RABGAP1: variants seen among roughly 807,000 people sequenced by gnomAD.
RABGAP1 encodes the protein rab GTPase-activating protein 1.
RABGAP1 carries 23 observed loss-of-function variants against 137.6 expected under a neutral mutation model. The ratio of observed to expected loss-of-function variants is 0.17; its 90% confidence interval spans 0.12 to 0.24. The LOEUF is 0.24. Ranked by LOEUF, RABGAP1 falls within the 10% of genes least tolerant of loss-of-function variation. The pLI is 1.00. For synonymous variants in RABGAP1, 451 were observed against 450.7 expected (o/e 1.00, Z -0.01); for missense variants, 906 against 1,275.8 (o/e 0.71, Z 4.42).
At chr9:123,061,593 T>C (rs1182418258) in intron 13 of RABGAP1, among the ~76,000 whole-genome samples, 1 of 152,264 alleles carries the variant, frequency 6.6e-6, no homozygotes, top group African/African-American at 2.4e-5. Context: ...CAATAGTGCA[T>C]AATCCTATTG....
Position 123,101,798 on chromosome 9 carries a change from G to A in RABGAP1, c.3087+35G>A, listed in dbSNP as rs769706643. 1.2e-5 allele frequency: 19 copies of A among 1,535,940 alleles called. No homozygotes were observed. The Admixed American group carries it at 3.8e-4, about 31-fold the overall frequency. ...GCAGAGCTCAGACATGTGCCTGCGGGCTGGGTTTCCTGATGTGCACTAGAG... is the reference window on the plus strand; with the variant it reads ...GCAGAGCTCAGACATGTGCCTGCGGACTGGGTTTCCTGATGTGCACTAGAG... On this transcript the variant is annotated intron_variant, in intron 25 of 25. Coordinates refer to ENST00000373647, the MANE Select transcript of RABGAP1 (RefSeq NM_012197.4).
At chr9:122,936,404 ACT>A (rs1324823106), upstream of RABGAP1, among the ~76,000 whole-genome samples, 1 of 152,100 alleles carries the variant, frequency 6.6e-6, no homozygotes, top group Non-Finnish European at 1.5e-5. Flanking sequence ...ACCAGCAGCA[ACT>A]CTCTGAAGTA....
intron 13 of RABGAP1, among the ~76,000 whole-genome samples, chr9:123,028,326 A>G (rs367978907): frequency 3.3e-5 from 5 of 152,366 alleles, no homozygotes; most frequent in African/African-American, 4.8e-5. Context: ...AATAAAATAA[A>G]CTTGTTCACT....
intron 21 of RABGAP1, among the ~76,000 whole-genome samples, chr9:123,094,830 C>T (rs1444574679): frequency 6.6e-6 from 1 of 152,066 alleles, no homozygotes; most frequent in Non-Finnish European, 1.5e-5. Context: ...TGCAAATTTT[C>T]TAATTTTTCG....
chr9:123,101,008 TAG>T (rs567306440), intron 24 of RABGAP1, among the ~76,000 whole-genome samples: 28 of 152,340 alleles, frequency 1.8e-4, no homozygotes, highest in African/African-American at 6.5e-4. Flanking sequence ...AATGTTTTCT[TAG>T]AGGAACATAA....
the RABGAP1 span, among the ~76,000 whole-genome samples, chr9:122,935,532 G>A: frequency 2.0e-5 from 3 of 151,854 alleles, no homozygotes; most frequent in South Asian, 2.1e-4. Flanking sequence ...TAGAGATGGA[G>A]TTTCACCAAT....
chr9:123,100,383 ATGTGTGTGTGTGTGTGTGTGTG>A (rs56811028), intron 24 of RABGAP1, among the ~76,000 whole-genome samples: 180 of 136,572 alleles, frequency 1.3e-3, no homozygotes, highest in African/African-American at 4.2e-3. Flanking sequence ...GTTTAACCAG[ATGTGTGTGTGTGTGTGTGTGTG>A]TGTGTGTGTG....
Position 123,015,596 on chromosome 9 carries a change from G to A in RABGAP1, c.1603G>A (p.Glu535Lys). Residue 535 changes from glutamate to lysine, a missense_variant, in exon 12 of 26, where the codon GAA becomes AAA. Coordinates refer to ENST00000373647, the MANE Select transcript of RABGAP1 (RefSeq NM_012197.4). ...TGGTGATGTATCCAAAGAATGTGCA[G>A]AAAAAATTCTTGAAACATGGGGAGA... Reference protein sequence around the residue: ...GSGDVSKECAEKILETWGELL... With the variant: ...GSGDVSKECAKKILETWGELL... The A allele has an allele frequency of 6.2e-7, 1 of 1,612,726 alleles. No homozygotes were observed. The highest frequency in any genetic ancestry group is 1.3e-5 in the African/African-American group (1 of 74,956).
At chr9:123,056,481 C>CT (rs530004900) in intron 13 of RABGAP1, among the ~76,000 whole-genome samples, 1,363 of 131,856 alleles carry the variant, frequency 0.01, 23 homozygotes, top group African/African-American at 0.032. Context: ...TTTCTTTTTT[C>CT]TTTTTTTTTT....
chr9:123,000,421 TG>T (rs1837257232), intron 10 of RABGAP1, among the ~76,000 whole-genome samples: 1 of 152,188 alleles, frequency 6.6e-6, no homozygotes, highest in Non-Finnish European at 1.5e-5. Context: ...CAAAACTCCT[TG>T]GAAGATATCA....
chr9:123,077,164 G>T lies in RABGAP1; in HGVS notation c.2424+402G>T, dbSNP rs77436690. 8.2e-3 allele frequency among the ~76,000 whole-genome samples: 1,013 copies of T among 124,262 alleles called. 12 individuals carry two copies. The highest frequency in any genetic ancestry group is 0.043 in the African/African-American group (965 of 22,338). The allele number at this position is 124,262 out of a possible 152,430, so 81.5% of individuals were successfully genotyped here. Reference sequence around the variant, plus strand: ...TCTACTGTGCTGGTTTTTTGTTTTTGTTTTTTTTTTTTTCTTTTTTTTGAG... The same window carrying T: ...TCTACTGTGCTGGTTTTTTGTTTTTTTTTTTTTTTTTTTCTTTTTTTTGAG... On this transcript the variant is annotated intron_variant, in intron 19 of 25. Coordinates refer to ENST00000373647, the MANE Select transcript of RABGAP1 (RefSeq NM_012197.4).
intron 2 of RABGAP1, among the ~76,000 whole-genome samples, chr9:122,964,179 GGAATA>G (rs1835003797): frequency 6.6e-6 from 1 of 152,080 alleles, no homozygotes; most frequent in Non-Finnish European, 1.5e-5. Context: ...ACTCTTCTCT[GGAATA>G]GAAAAGTAGG....
intron 13 of RABGAP1, chr9:123,029,603 T>C: frequency 1.3e-6 from 1 of 743,412 alleles, no homozygotes; most frequent in African/African-American, 1.7e-5. Flanking sequence ...TGTAGCTTTG[T>C]CAAACAAGAC....
At chr9:122,960,503 G>A (rs1461044697) in intron 2 of RABGAP1, among the ~76,000 whole-genome samples, 4 of 152,152 alleles carry the variant, frequency 2.6e-5, no homozygotes, top group African/African-American at 9.7e-5. Flanking sequence ...AAATCAACTA[G>A]CCAGTCACCC....
At chr9:122,978,190 C>T (rs1835864192) in intron 2 of RABGAP1, among the ~76,000 whole-genome samples, 1 of 152,316 alleles carries the variant, frequency 6.6e-6, no homozygotes, top group East Asian at 1.9e-4. Context: ...CTTTATTCCC[C>T]TTCCCTGATA....
intron 13 of RABGAP1, among the ~76,000 whole-genome samples, chr9:123,045,231 G>A (rs1333572962): frequency 6.6e-6 from 1 of 152,142 alleles, no homozygotes; most frequent in Admixed American, 6.5e-5. Context: ...CATTTAAATA[G>A]CATTATTTAT....
rs139179091 is a variant in RABGAP1, at chr9:122,986,270, C to G, written c.441C>G (p.Phe147Leu). The G allele has an allele frequency of 1.5e-5, 24 of 1,614,066 alleles. No individual in the cohort carries two copies. Among genetic ancestry groups the G allele is most frequent in the Non-Finnish European group, 1.9e-5 (22 of 1,180,024 alleles). The change falls in exon 4 of 26, where the codon TTC becomes TTG. Residue 147 changes from phenylalanine to leucine, a missense_variant. Physicochemically the swap from Phe to Leu is conservative, Grantham distance 22. This residue lies in a region of RABGAP1 where 331 missense variants were observed against 358.3 expected (regional missense o/e 0.92). Transcript: ENST00000373647. The part of the protein sequence containing the change: ...TPVADEDSVV[F>L]SKLTYLGCAS... ...TGGCCGATGAGGACAGCGTAGTTTT[C>G]AGTAAACTGACTTACTTAGGCTGTG...
chr9:123,008,191 G>A (rs549277671), intron 10 of RABGAP1, among the ~76,000 whole-genome samples: 1 of 152,110 alleles, frequency 6.6e-6, no homozygotes. Flanking sequence ...TCAAAAGGCA[G>A]CGTGTCCTTT....
intron 13 of RABGAP1, among the ~76,000 whole-genome samples, chr9:123,054,200 T>C (rs1012010540): frequency 6.6e-6 from 1 of 152,194 alleles, no homozygotes; most frequent in African/African-American, 2.4e-5. Context: ...ATCATCATAA[T>C]TGGGGACAAG....
Sources: allele counts gnomAD v4.1 joint callset (sites outside exome capture counted in the v4.1 genomes callset), GRCh38; gene constraint gnomAD v4.1.1; regional missense constraint gnomAD v4.1.1; transcripts MANE v1.5; gene names NCBI Gene and HGNC (gene_info 2026-07-23, HGNC 2026-07-21).